The following SFXN1 variants were observed in gnomAD, a reference collection of about 807,000 sequenced individuals.
SFXN1 encodes the protein sideroflexin 1.
In SFXN1, 32 loss-of-function variants were observed where a neutral mutation model predicts 39.5. That is an observed-to-expected ratio of 0.81 (90% CI 0.61 to 1.09). The LOEUF is 1.09. SFXN1 is among the 50% of genes least tolerant of loss of function. The pLI is 0.00. For synonymous variants in SFXN1, 136 were observed against 146.5 expected (o/e 0.93, Z 0.52); for missense variants, 402 against 407.1 (o/e 0.99, Z 0.11).
chr5:175,480,333 G>A (rs944163940), intron 1 of SFXN1, among the ~76,000 whole-genome samples: 1 of 152,066 alleles, frequency 6.6e-6, no homozygotes, highest in African/African-American at 2.4e-5. Flanking sequence ...CCCGGGAGGC[G>A]GAGCTTGCAG....
At chr5:175,516,007 A>G (rs187188026) in intron 7 of SFXN1, among the ~76,000 whole-genome samples, 38 of 152,236 alleles carry the variant, frequency 2.5e-4, no homozygotes, top group African/African-American at 8.2e-4. Context: ...GCAGTTCTCA[A>G]TGGAGTTCAG....
At chr5:175,493,931 C>G (rs1255549292) in intron 2 of SFXN1, among the ~76,000 whole-genome samples, 2 of 152,130 alleles carry the variant, frequency 1.3e-5, no homozygotes, top group African/African-American at 2.4e-5. Flanking sequence ...AAAAGCTATT[C>G]TGAGCTCACA....
intron 7 of SFXN1, among the ~76,000 whole-genome samples, chr5:175,515,929 G>C (rs1760705849): frequency 6.6e-6 from 1 of 152,270 alleles, no homozygotes; most frequent in Non-Finnish European, 1.5e-5. Context: ...GGGGGTGATG[G>C]GAGACAGTGA....
intron 7 of SFXN1, among the ~76,000 whole-genome samples, chr5:175,515,288 T>A (rs1412470334): frequency 6.6e-6 from 1 of 152,204 alleles, no homozygotes; most frequent in African/African-American, 2.4e-5. Context: ...TATACAGTTG[T>A]GAACCACCAT....
In SFXN1 at chr5:175,497,892, T is replaced by C. The variant is rs115567844; in HGVS notation, c.164+5625T>C. Among the ~76,000 whole-genome samples the C allele has an allele frequency of 4.8e-3, 685 of 142,836 alleles. 6 individuals carry two copies. The highest frequency in any genetic ancestry group is 7.8e-3 in the Non-Finnish European group (524 of 67,016). The allele number at this position is 142,836 out of a possible 152,430, so 93.7% of individuals were successfully genotyped here. A position where few individuals can be genotyped will look rare whatever the true frequency, so the allele number is the denominator to read the frequency against. ...TTGTAGTGAGCCGAGATTGCGCCACTGCACTCCAGCGCAGGTGACAAGAGC... is the reference window on the plus strand; with the variant it reads ...TTGTAGTGAGCCGAGATTGCGCCACCGCACTCCAGCGCAGGTGACAAGAGC... On this transcript the variant is annotated intron_variant, in intron 2 of 10. Coordinates refer to ENST00000321442, the MANE Select transcript of SFXN1 (RefSeq NM_022754.7).
chr5:175,496,209 T>C (rs950329857), intron 2 of SFXN1, among the ~76,000 whole-genome samples: 9 of 151,884 alleles, frequency 5.9e-5, no homozygotes, highest in Non-Finnish European at 1.3e-4. Context: ...TAAAAGTGTT[T>C]TATAAAAAAT....
At chr5:175,508,474 A>G (rs2662167) in intron 2 of SFXN1, among the ~76,000 whole-genome samples, 37,660 of 151,866 alleles carry the variant, frequency 0.25, 6,435 homozygotes, top group African/African-American at 0.48. Flanking sequence ...GGCTCAAGCA[A>G]TCCTCCTGCC....
chr5:175,501,918 A>ATATTATTT, intron 2 of SFXN1, among the ~76,000 whole-genome samples: 1 of 152,168 alleles, frequency 6.6e-6, no homozygotes, highest in Non-Finnish European at 1.5e-5. Context: ...GCTGTGAGGG[A>ATATTATTT]GACCGGAGTT....
intron 2 of SFXN1, among the ~76,000 whole-genome samples, chr5:175,492,792 G>A (rs563748363): frequency 5.2e-4 from 79 of 152,288 alleles, no homozygotes; most frequent in African/African-American, 1.8e-3. Context: ...AGAACCATGC[G>A]GGAGGGAGGA....
chr5:175,524,118 AAAAAAAAATATATATATATATATAT>A lies in SFXN1; in HGVS notation c.872+1698_872+1722del, dbSNP rs1236049773. On this transcript the variant is annotated intron_variant, in intron 10 of 10. Coordinates refer to ENST00000321442, the MANE Select transcript of SFXN1 (RefSeq NM_022754.7). ...GATTCTGTCTCAAAAAAAAAAAAAAAAAAAAAAATATATATATATATATATATATATATATATATATATATATATA... is the reference window on the plus strand; with the variant it reads ...GATTCTGTCTCAAAAAAAAAAAAAAAATATATATATATATATATATATATA... 2.9e-4 allele frequency: 19 copies of A among 66,590 alleles called. No individual in the cohort carries two copies. In the East Asian group the frequency reaches 3.9e-3, roughly 14 times the overall value. 4.1% of individuals were successfully genotyped at this position (66,590 alleles called of 1,614,324 possible).
chr5:175,491,061 C>A (rs1759635698), intron 1 of SFXN1, among the ~76,000 whole-genome samples: 1 of 152,030 alleles, frequency 6.6e-6, no homozygotes, highest in Non-Finnish European at 1.5e-5. Context: ...GCATCTATTA[C>A]AACAATACAG....
At chr5:175,524,124 A>AT (rs1760978396) in intron 10 of SFXN1, 1 of 25,040 alleles carries the variant, frequency 4.0e-5, no homozygotes, top group African/African-American at 3.4e-4. Flanking sequence ...AAAAAAAAAA[A>AT]AATATATATA....
At position 175,527,312 on chromosome 5, in the gene SFXN1, C is replaced by G; in HGVS notation, c.*578C>G. The G allele has an allele frequency of 6.6e-6, 1 of 152,416 alleles. No individual in the cohort carries two copies. The highest frequency in any genetic ancestry group is 2.1e-4 in the South Asian group (1 of 4,848). 9.4% of individuals were successfully genotyped at this position (152,416 alleles called of 1,614,324 possible). ...TTGGAGGGTAAAAGCTCCTTCACAC[C>G]CCTTCCAAAAGTCAGTCACAGACCA... On this transcript the variant is annotated 3_prime_UTR_variant, in exon 11 of 11. Transcript: ENST00000321442.
rs1275243974 is a variant in SFXN1 at position 175,496,991 on chromosome 5, C to A, written c.164+4724C>A. Among the ~76,000 whole-genome samples, 4 of 151,952 alleles carry A rather than the reference C, an allele frequency of 2.6e-5. No individual in the cohort carries two copies. In the East Asian group the frequency reaches 5.8e-4, roughly 22 times the overall value. Reference sequence around the variant, plus strand: ...GTAACCTCTGCCTCCCGGGTTCAAGCAATTCTCCCTGCCTCAGCCTCCCAA... The same window carrying A: ...GTAACCTCTGCCTCCCGGGTTCAAGAAATTCTCCCTGCCTCAGCCTCCCAA... On this transcript the variant is annotated intron_variant, in intron 2 of 10. Transcript: ENST00000321442.
At chr5:175,505,181 G>C (rs1055367180) in intron 2 of SFXN1, among the ~76,000 whole-genome samples, 1 of 152,100 alleles carries the variant, frequency 6.6e-6, no homozygotes, top group African/African-American at 2.4e-5. Context: ...AGAGGTGTCA[G>C]TTGTCTCCAG....
intron 1 of SFXN1, among the ~76,000 whole-genome samples, chr5:175,482,037 T>C (rs1177163560): frequency 6.6e-6 from 1 of 152,200 alleles, no homozygotes; most frequent in African/African-American, 2.4e-5. Flanking sequence ...CTGTGTCATC[T>C]TGGGCATGGT....
chr5:175,513,650 G>A (rs774611934), intron 7 of SFXN1, 60 bp downstream of exon 7: 122 of 1,578,434 alleles, frequency 7.7e-5, no homozygotes, highest in South Asian at 4.0e-4. Context: ...TCACGGATCC[G>A]TGAACCAGAA....
chr5:175,516,922 G>A (rs1328881227), intron 8 of SFXN1, among the ~76,000 whole-genome samples: 1 of 152,178 alleles, frequency 6.6e-6, no homozygotes, highest in African/African-American at 2.4e-5. Flanking sequence ...ATGCCTGACT[G>A]GGTAAAAATG....
intron 2 of SFXN1, 78 bp from the exon 3 acceptor site, chr5:175,508,954 C>G: frequency 7.1e-7 from 1 of 1,416,772 alleles, no homozygotes; most frequent in South Asian, 1.4e-5. Flanking sequence ...ACTTTTAAAA[C>G]CTTGTAGCCA....
Sources: allele counts gnomAD v4.1 joint callset (sites outside exome capture counted in the v4.1 genomes callset), GRCh38; gene constraint gnomAD v4.1.1; transcripts MANE v1.5; gene names NCBI Gene and HGNC (gene_info 2026-07-23, HGNC 2026-07-21).